PLEKHH2: variants seen among roughly 807,000 people sequenced by gnomAD.
PLEKHH2 encodes pleckstrin homology, MyTH4 and FERM domain containing H2, also known as pleckstrin homology domain-containing family H member 2.
A neutral mutation model predicts 187.9 loss-of-function variants in PLEKHH2; 129 were observed. That is an observed-to-expected ratio of 0.69 (90% CI 0.59 to 0.79). The LOEUF is 0.79. PLEKHH2 is among the 30% of genes least tolerant of loss of function. The probability of loss-of-function intolerance (pLI) is 0.00; values close to 1 mark genes in which losing one functional copy is unlikely to be tolerated. For synonymous variants in PLEKHH2, 686 were observed against 605.6 expected (o/e 1.13, Z -1.95); for missense variants, 2,076 against 1,751.2 (o/e 1.19, Z -3.31).
chr2:43,679,476 T>A (rs1462486311), intron 3 of PLEKHH2: 1 of 346,786 alleles, frequency 2.9e-6, no homozygotes, highest in African/African-American at 2.4e-5. Context: ...AATTACGGAA[T>A]CAGGAATGAT....
intron 3 of PLEKHH2, among the ~76,000 whole-genome samples, chr2:43,679,840 A>C (rs947943822): frequency 6.6e-6 from 1 of 152,094 alleles, no homozygotes; most frequent in African/African-American, 2.4e-5. Flanking sequence ...ATTTATTAAA[A>C]TTTTTAAATT....
intron 2 of PLEKHH2, among the ~76,000 whole-genome samples, chr2:43,678,071 G>A (rs1163125418): frequency 2.6e-5 from 4 of 151,524 alleles, no homozygotes; most frequent in East Asian, 1.9e-4. Flanking sequence ...CCTCCCAGAC[G>A]GGGTCGCGGC....
chr2:43,744,182 A>G (rs1194405711), intron 23 of PLEKHH2, 193 bp downstream of exon 23: 21 of 1,203,628 alleles, frequency 1.7e-5, no homozygotes, highest in Admixed American at 3.1e-5. Flanking sequence ...CAATCTCTAC[A>G]TATACACATT....
Position 43,729,742 on chromosome 2 carries a change from C to G in PLEKHH2, c.2827C>G (p.Pro943Ala), listed in dbSNP as rs372438174. The change falls in exon 18 of 30, where the codon CCT becomes GCT. Residue 943 changes from proline (P) to alanine (A), a missense_variant. Transcript: ENST00000282406. ...VCKLLNIDGE[P>A]SSQIWRHPTL... ...CAAATTGCTAAATATAGACGGGGAG[C>G]CTTGTAAGTTCATAAACATATAAAT... is the stretch of plus-strand genomic sequence containing the variant. 2.2e-5 allele frequency: 35 copies of G among 1,584,236 alleles called. No individual in the cohort carries two copies. Among genetic ancestry groups the G allele is most frequent in the South Asian group, 4.6e-5 (4 of 86,824 alleles).
intron 15 of PLEKHH2, among the ~76,000 whole-genome samples, chr2:43,718,770 A>C (rs1358276174): frequency 6.6e-6 from 1 of 152,180 alleles, no homozygotes; most frequent in Non-Finnish European, 1.5e-5. Context: ...AAAAGAAAAA[A>C]ACACCCCACA....
intron 24 of PLEKHH2, among the ~76,000 whole-genome samples, chr2:43,751,592 C>T (rs566584313): frequency 5.9e-5 from 9 of 152,308 alleles, no homozygotes; most frequent in East Asian, 1.9e-4. Context: ...CAGTATTCAG[C>T]TTCCTGGGTG....
chr2:43,691,468 A>G (rs1234151993), intron 3 of PLEKHH2, among the ~76,000 whole-genome samples: 1 of 152,214 alleles, frequency 6.6e-6, no homozygotes, highest in Non-Finnish European at 1.5e-5. Flanking sequence ...CAATTAGGAA[A>G]GGGTAGGTAT....
intron 16 of PLEKHH2, among the ~76,000 whole-genome samples, chr2:43,721,483 C>T (rs1448823477): frequency 6.6e-6 from 1 of 152,062 alleles, no homozygotes; most frequent in Non-Finnish European, 1.5e-5. Context: ...ATTTCTCCTT[C>T]CCTTTTGATA....
chr2:43,654,709 C>CA (rs1007350520), intron 2 of PLEKHH2, among the ~76,000 whole-genome samples: 3 of 39,148 alleles, frequency 7.7e-5, no homozygotes, highest in South Asian at 9.5e-4. Flanking sequence ...AAGACACCCC[C>CA]CCCCCCCGCA....
chr2:43,753,345 C>T (rs764406385), intron 24 of PLEKHH2, among the ~76,000 whole-genome samples: 4 of 152,192 alleles, frequency 2.6e-5, no homozygotes, highest in Non-Finnish European at 5.9e-5. Flanking sequence ...ATGACAATCT[C>T]TGTCTTTTCA....
At chr2:43,716,271 T>C (rs1355558703) in intron 15 of PLEKHH2, among the ~76,000 whole-genome samples, 1 of 151,936 alleles carries the variant, frequency 6.6e-6, no homozygotes, top group Admixed American at 6.6e-5. Context: ...CTGGACATAG[T>C]GGGAAGGCAC....
At chr2:43,668,589 A>G (rs1667337693) in intron 2 of PLEKHH2, among the ~76,000 whole-genome samples, 1 of 152,178 alleles carries the variant, frequency 6.6e-6, no homozygotes, top group Non-Finnish European at 1.5e-5. Flanking sequence ...CTTCTTGTGT[A>G]TATAACATTT....
At chr2:43,651,359 G>A (rs1266619301) in intron 2 of PLEKHH2, among the ~76,000 whole-genome samples, 5 of 152,214 alleles carry the variant, frequency 3.3e-5, no homozygotes, top group South Asian at 2.1e-4. Flanking sequence ...GAGCCACCGC[G>A]CCCGGCCCTC....
intron 2 of PLEKHH2, among the ~76,000 whole-genome samples, chr2:43,677,673 C>T (rs1351927966): frequency 6.6e-6 from 1 of 152,014 alleles, no homozygotes; most frequent in Non-Finnish European, 1.5e-5. Flanking sequence ...TTCCACAAAA[C>T]CGCCATTGTC....
chr2:43,761,246 T>C (rs1672416922), intron 27 of PLEKHH2, among the ~76,000 whole-genome samples: 1 of 152,146 alleles, frequency 6.6e-6, no homozygotes, highest in South Asian at 2.1e-4. Flanking sequence ...AGGGAAATAG[T>C]TAAGATTTTT....
In PLEKHH2 at chr2:43,675,458, C is replaced by G. The variant is rs964651583; in HGVS notation, c.124-3405C>G. On this transcript the variant is annotated intron_variant, in intron 2 of 29. Transcript: ENST00000282406. ...CCAAATGCCCTGAGCCGGTACAGGC[C>G]ATACATCATTACTTCCATCTTTTGG... The G allele has an allele frequency of 2.2e-5, 36 of 1,613,810 alleles. No individual in the cohort carries two copies. The highest frequency in any genetic ancestry group is 3.1e-5 in the Non-Finnish European group (36 of 1,179,876).
chr2:43,745,302 T>G (rs1335088002), intron 23 of PLEKHH2, among the ~76,000 whole-genome samples: 1 of 151,962 alleles, frequency 6.6e-6, no homozygotes, highest in Non-Finnish European at 1.5e-5. Flanking sequence ...GGTGACAGAG[T>G]GAGACCCCAT....
Position 43,712,250 on chromosome 2 carries a change from A to C in PLEKHH2, c.2327A>C (p.Tyr776Ser), listed in dbSNP as rs148948407. 3.1e-6 allele frequency: 5 copies of C among 1,613,532 alleles called. No individual in the cohort carries two copies. Among genetic ancestry groups the C allele is most frequent in the African/African-American group, 1.3e-5 (1 of 75,060 alleles). Reference protein sequence around the residue: ...VQLTTEKHTYYLTADSPNILE... With the variant: ...VQLTTEKHTYSLTADSPNILE... ...TTGACCACTGAAAAACACACATACT[A>C]TCTGACTGCAGATTCTCCCAATATA... Residue 776 changes from tyrosine (Y) to serine (S), a missense_variant, in exon 15 of 30, where the codon TAT becomes TCT. Physicochemically the swap from Tyr to Ser is moderately radical, Grantham distance 144 (BLOSUM62 -2). Transcript: ENST00000282406.
At chr2:43,637,942 G>C (rs1161745090) in intron 1 of PLEKHH2, among the ~76,000 whole-genome samples, 1 of 152,208 alleles carries the variant, frequency 6.6e-6, no homozygotes, top group Non-Finnish European at 1.5e-5. Context: ...CTTTTTAAAG[G>C]ACAACACTTT....
Sources: gnomAD v4.1 joint callset for allele counts (sites outside exome capture counted in the v4.1 genomes callset) on GRCh38, gnomAD v4.1.1 for gene constraint, MANE v1.5 for transcripts, NCBI Gene and HGNC (gene_info 2026-07-23, HGNC 2026-07-21) for gene names.